ARL6IP6: variants seen among roughly 807,000 people sequenced by gnomAD.
ARL6IP6 encodes ARF like GTPase 6 interacting protein 6.
A neutral mutation model predicts 21.5 loss-of-function variants in ARL6IP6; 22 were observed. The ratio of observed to expected loss-of-function variants is 1.02; its 90% confidence interval spans 0.73 to 1.46. The LOEUF is 1.46. Among genes scored for constraint, ARL6IP6 ranks in the 40% most tolerant of loss-of-function variants. The probability of loss-of-function intolerance (pLI) is 0.00; values close to 1 mark genes in which losing one functional copy is unlikely to be tolerated. For synonymous variants in ARL6IP6, 164 were observed against 125.3 expected (o/e 1.31, Z -2.06); for missense variants, 388 against 299.8 (o/e 1.29, Z -2.17).
intron 3 of ARL6IP6, among the ~76,000 whole-genome samples, chr2:152,744,433 GAT>G (rs1700954688): frequency 6.6e-6 from 1 of 152,014 alleles, no homozygotes; most frequent in Non-Finnish European, 1.5e-5. Flanking sequence ...CTTCTCTTTA[GAT>G]ATATTATTGG....
intron 3 of ARL6IP6, among the ~76,000 whole-genome samples, chr2:152,749,720 G>A (rs557398946): frequency 7.2e-5 from 11 of 152,236 alleles, no homozygotes; most frequent in African/African-American, 2.2e-4. Context: ...ACTCAGACCC[G>A]TGTTTATCTA....
intron 2 of ARL6IP6, among the ~76,000 whole-genome samples, chr2:152,727,676 T>C (rs943767633): frequency 2.6e-5 from 4 of 152,186 alleles, no homozygotes; most frequent in African/African-American, 4.8e-5. Context: ...CAAGTACTTA[T>C]TGTTGTATTA....
Position 152,720,522 on chromosome 2 carries a change from T to G in ARL6IP6, c.401-11T>G. The G allele has an allele frequency of 6.2e-7, 1 of 1,612,878 alleles. No homozygotes were observed. The highest frequency in any genetic ancestry group is 1.1e-5 in the South Asian group (1 of 91,054). On this transcript the variant is annotated splice_polypyrimidine_tract_variant and intron_variant, in intron 1 of 3. Transcript: ENST00000326446. ...TTGCTTTCCTACCTAAGTCCCTCTT[T>G]GTATTTGCAGAGTTGCATGCTGAGA... is the stretch of plus-strand genomic sequence containing the variant.
intron 2 of ARL6IP6, among the ~76,000 whole-genome samples, chr2:152,731,824 T>C (rs116302293): frequency 0.025 from 3,799 of 152,274 alleles, 79 homozygotes; most frequent in Non-Finnish European, 0.038. Flanking sequence ...CATTTCTTCA[T>C]ATATACAACA....
upstream of ARL6IP6, chr2:152,718,536 C>T (rs1328719475): frequency 2.0e-6 from 3 of 1,476,530 alleles, no homozygotes; most frequent in African/African-American, 1.4e-5. Context: ...CTGGTGGTAG[C>T]GGCCACTGCC....
At position 152,719,043 on chromosome 2, in the gene ARL6IP6, T is replaced by G. The variant is rs1324181961; in HGVS notation, c.400+19T>G. 1 of 1,515,458 alleles carries G rather than the reference T, an allele frequency of 6.6e-7. No individual in the cohort carries two copies. Among genetic ancestry groups the G allele is most frequent in the East Asian group, 2.4e-5 (1 of 42,386 alleles). 93.9% of individuals were successfully genotyped at this position (1,515,458 alleles called of 1,614,324 possible). On this transcript the variant is annotated intron_variant, in intron 1 of 3. Transcript: ENST00000326446. ...GTTAAAGGTATTGAAGCCGACGCCT[T>G]GAAAGTCTGTCCAGAGTAAAGTTGA...
intron 2 of ARL6IP6, among the ~76,000 whole-genome samples, chr2:152,724,386 T>G (rs1359766617): frequency 6.6e-6 from 1 of 152,212 alleles, no homozygotes; most frequent in African/African-American, 2.4e-5. Context: ...TATTCTCAAC[T>G]ACACTGTATC....
chr2:152,722,016 GGA>G (rs1301072190), intron 2 of ARL6IP6, among the ~76,000 whole-genome samples: 1 of 152,138 alleles, frequency 6.6e-6, no homozygotes, highest in Non-Finnish European at 1.5e-5. Context: ...TTGATGCAGT[GGA>G]AACAGAATCT....
chr2:152,744,272 C>T (rs1037013838), intron 3 of ARL6IP6, among the ~76,000 whole-genome samples: 2 of 152,088 alleles, frequency 1.3e-5, no homozygotes, highest in African/African-American at 4.8e-5. Flanking sequence ...TAACTAGACT[C>T]AGTTTTAAGC....
chr2:152,735,613 G>T (rs911127692), intron 3 of ARL6IP6, among the ~76,000 whole-genome samples: 1 of 152,084 alleles, frequency 6.6e-6, no homozygotes, highest in African/African-American at 2.4e-5. Flanking sequence ...TAGTGGAACA[G>T]TATTAAATTT....
At chr2:152,737,284 AC>A (rs1438695140) in intron 3 of ARL6IP6, among the ~76,000 whole-genome samples, 16 of 152,122 alleles carry the variant, frequency 1.1e-4, no homozygotes, top group African/African-American at 3.4e-4. Context: ...GTTGTCTTTT[AC>A]CACTGTCACG....
chr2:152,745,412 A>G (rs2105159702), intron 3 of ARL6IP6, among the ~76,000 whole-genome samples: 2 of 152,326 alleles, frequency 1.3e-5, no homozygotes, highest in Non-Finnish European at 2.9e-5. Context: ...CCTTGGAAAT[A>G]AGTATATGTG....
At chr2:152,738,696 A>G (rs1284877110) in intron 3 of ARL6IP6, among the ~76,000 whole-genome samples, 2 of 152,148 alleles carry the variant, frequency 1.3e-5, no homozygotes, top group Admixed American at 6.5e-5. Flanking sequence ...AGCAAGGCCC[A>G]TGAAACCATT....
chr2:152,736,178 A>G (rs77827037), intron 3 of ARL6IP6, among the ~76,000 whole-genome samples: 1,749 of 152,296 alleles, frequency 0.011, 31 homozygotes, highest in African/African-American at 0.04. Context: ...AAATTGACTA[A>G]GAGTTAAGCC....
chr2:152,759,843 C>T lies in ARL6IP6; in HGVS notation c.*3C>T. On this transcript the variant is annotated 3_prime_UTR_variant, in exon 4 of 4. Coordinates refer to ENST00000326446, the MANE Select transcript of ARL6IP6 (RefSeq NM_152522.7). ...CTGTAGCATGGTGCCTCATGTAAACCCACACTGGAGCGATATTGTTGGCAA... is the reference window on the plus strand; with the variant it reads ...CTGTAGCATGGTGCCTCATGTAAACTCACACTGGAGCGATATTGTTGGCAA... 1.2e-6 allele frequency: 2 copies of T among 1,609,526 alleles called. No homozygotes were observed. Among genetic ancestry groups the T allele is most frequent in the Non-Finnish European group, 1.7e-6 (2 of 1,176,096 alleles).
Position 152,761,916 on chromosome 2 carries a change from T to C in ARL6IP6, c.*2076T>C, listed in dbSNP as rs968123297. The stretch of plus-strand genomic sequence containing the variant: ...CATGACTATATATACCTACAAGATA[T>C]ATATTAATATAGATAAATATAGAGA... On this transcript the variant is annotated 3_prime_UTR_variant, in exon 4 of 4. Transcript: ENST00000326446. Among the ~76,000 whole-genome samples the C allele has an allele frequency of 6.6e-6, 1 of 152,194 alleles. No individual in the cohort carries two copies. Among genetic ancestry groups the C allele is most frequent in the African/African-American group, 2.4e-5 (1 of 41,448 alleles).
Position 152,718,843 on chromosome 2 carries a change from C to A in ARL6IP6, c.219C>A (p.Leu73=). 1 of 1,611,942 alleles carries A rather than the reference C, an allele frequency of 6.2e-7. No individual in the cohort carries two copies. Among genetic ancestry groups the A allele is most frequent in the African/African-American group, 1.3e-5 (1 of 75,016 alleles). The stretch of plus-strand genomic sequence containing the variant: ...CAGAGCCCAGAAAGCGCTCGGTGCT[C>A]CCGCCGGACGGGAACGGGTCGCCCG... The part of the protein sequence containing the change: ...AWSEPRKRSV[L]PPDGNGSPVL... Residue 73 remains leucine (L), a synonymous_variant, in exon 1 of 4, where the codon CTC becomes CTA. Transcript: ENST00000326446.
Position 152,759,851 on chromosome 2 carries a change from G to T in ARL6IP6, c.*11G>T. 1.9e-6 allele frequency: 3 copies of T among 1,603,790 alleles called. No individual in the cohort carries two copies. The South Asian group carries it at 3.3e-5, about 18-fold the overall frequency. ...TGGTGCCTCATGTAAACCCACACTG[G>T]AGCGATATTGTTGGCAAAACTTAAT... is the stretch of plus-strand genomic sequence containing the variant. On this transcript the variant is annotated 3_prime_UTR_variant, in exon 4 of 4. Coordinates refer to ENST00000326446, the MANE Select transcript of ARL6IP6 (RefSeq NM_152522.7).
intron 3 of ARL6IP6, among the ~76,000 whole-genome samples, chr2:152,743,714 G>T (rs981307861): frequency 2.6e-5 from 4 of 152,096 alleles, no homozygotes; most frequent in Non-Finnish European, 5.9e-5. Context: ...TGTATTTAAA[G>T]TTGTGAGGAT....
Sources: allele counts gnomAD v4.1 joint callset (sites outside exome capture counted in the v4.1 genomes callset), GRCh38; gene constraint gnomAD v4.1.1; transcripts MANE v1.5; gene names NCBI Gene and HGNC (gene_info 2026-07-23, HGNC 2026-07-21).